The following CTTNBP2 variants were observed in gnomAD, a reference collection of about 807,000 sequenced individuals.
CTTNBP2 encodes the protein cortactin binding protein 2.
In CTTNBP2, 108 loss-of-function variants were observed where a neutral mutation model predicts 156.9. The ratio of observed to expected loss-of-function variants is 0.69; its 90% CI spans 0.59 to 0.81. The LOEUF (loss-of-function observed/expected upper bound fraction) is 0.81, where lower values mean the gene tolerates loss of function less well. Ranked by LOEUF, CTTNBP2 falls within the 30% of genes least tolerant of loss-of-function variation. The probability of loss-of-function intolerance (pLI) is 0.00; values close to 1 mark genes in which losing one functional copy is unlikely to be tolerated. For synonymous variants in CTTNBP2, 767 were observed against 751.8 expected, an observed-to-expected ratio of 1.02 and a Z score of -0.33; for missense variants, 1,924 against 2,035.4, an observed-to-expected ratio of 0.95 and a Z score of 1.05.
chr7:117,783,004 G>T, intron 5 of CTTNBP2, 43 bp from the exon 6 acceptor site: 1 of 1,433,256 alleles, frequency 7.0e-7, no homozygotes, highest in Non-Finnish European at 9.8e-7. Context: ...CCCATTTGGA[G>T]TTATGATGTG....
At position 117,848,846 on chromosome 7, in the gene CTTNBP2, C is replaced by T. The variant is rs545489824; in HGVS notation, c.189+12363G>A. Among the ~76,000 whole-genome samples, 5 of 152,218 alleles carry T rather than the reference C, an allele frequency of 3.3e-5. No individual in the cohort carries two copies. The South Asian group carries it at 1.0e-3, about 32-fold the overall frequency. On this transcript the variant is annotated intron_variant, in intron 2 of 22. Coordinates refer to ENST00000160373, the MANE Select transcript of CTTNBP2 (RefSeq NM_033427.3). ...TTTTGCTGTTTTTATTCCTGTAAAC[C>T]ACTTCAATTCCTATGTGAAACCATT...
chr7:117,860,932 CAT>C (rs1266511321), intron 2 of CTTNBP2, among the ~76,000 whole-genome samples: 2 of 152,076 alleles, frequency 1.3e-5, no homozygotes, highest in Non-Finnish European at 2.9e-5. Flanking sequence ...ACATGTGAAA[CAT>C]AAAAGGATTT....
intron 2 of CTTNBP2, among the ~76,000 whole-genome samples, chr7:117,825,178 A>G (rs1456141773): frequency 6.6e-6 from 1 of 152,172 alleles, no homozygotes; most frequent in African/African-American, 2.4e-5. Flanking sequence ...CAGGCCCTTC[A>G]AGACAAATGG....
intron 12 of CTTNBP2, among the ~76,000 whole-genome samples, chr7:117,749,407 C>T (rs572850774): frequency 6.6e-6 from 1 of 152,236 alleles, no homozygotes; most frequent in Non-Finnish European, 1.5e-5. Context: ...GGAATGAACT[C>T]CTACTGTCCA....
intron 8 of CTTNBP2, among the ~76,000 whole-genome samples, chr7:117,775,840 C>A (rs1242265813): frequency 1.3e-5 from 2 of 152,120 alleles, no homozygotes; most frequent in African/African-American, 4.8e-5. Flanking sequence ...TCAAATCATA[C>A]AAACAAATCA....
rs145209867 is a variant in CTTNBP2 at position 117,724,606 on chromosome 7, C to T, written c.4388G>A (p.Arg1463His). 215 of 1,613,954 alleles carry T rather than the reference C, an allele frequency of 1.3e-4. 1 individual carries two copies. The highest frequency in any genetic ancestry group is 2.2e-4 in the South Asian group (20 of 91,066). ...TAAAGAGAAGCGGCCAGACTTCCTG[C>T]GAGGACTGGTGTTCACCTTTCTCCA... is the stretch of plus-strand genomic sequence containing the variant. ...GAWRKVNTSP[R>H]RKSGRFSLPT... The change falls in exon 19 of 23, where the codon CGC becomes CAC. Residue 1463 changes from arginine (R) to histidine (H), a missense_variant. By Grantham distance (29) the Arg-to-His change is conservative. Transcript: ENST00000160373.
At chr7:117,796,643 C>T (rs1056735483) in intron 3 of CTTNBP2, among the ~76,000 whole-genome samples, 2 of 152,006 alleles carry the variant, frequency 1.3e-5, no homozygotes, top group African/African-American at 4.8e-5. Flanking sequence ...GCATAGTGCC[C>T]GGCACTAAAA....
At chr7:117,867,665 T>G (rs1289389621) in intron 1 of CTTNBP2, among the ~76,000 whole-genome samples, 1 of 152,158 alleles carries the variant, frequency 6.6e-6, no homozygotes, top group African/African-American at 2.4e-5. Flanking sequence ...CAGCCCACTC[T>G]AGGGGGAACT....
intron 20 of CTTNBP2, among the ~76,000 whole-genome samples, chr7:117,720,672 A>T (rs1432349146): frequency 6.6e-6 from 1 of 152,166 alleles, no homozygotes; most frequent in African/African-American, 2.4e-5. Flanking sequence ...CAGCCTGGGC[A>T]AGAGAGCAAG....
intron 2 of CTTNBP2, among the ~76,000 whole-genome samples, chr7:117,838,878 A>G (rs2117120165): frequency 6.9e-6 from 1 of 144,686 alleles, no homozygotes; most frequent in East Asian, 2.1e-4. Context: ...GCTGGAAACC[A>G]CAGTACCATT....
intron 22 of CTTNBP2, chr7:117,714,016 G>A (rs888129648): frequency 6.6e-6 from 1 of 152,152 alleles, no homozygotes; most frequent in African/African-American, 2.4e-5. Flanking sequence ...AAAACAGATG[G>A]GCTCGGTTTT....
Position 117,737,496 on chromosome 7 carries a change from A to G in CTTNBP2, c.3536-2075T>C, listed in dbSNP as rs935834312. ...TTGCATTTCAACAAATGTTTATCCAATGCCTCTTTGCTACAGGTACTGGAT... is the reference window on the plus strand; with the variant it reads ...TTGCATTTCAACAAATGTTTATCCAGTGCCTCTTTGCTACAGGTACTGGAT... On this transcript the variant is annotated intron_variant, in intron 14 of 22. Transcript: ENST00000160373. Among the ~76,000 whole-genome samples, 4 of 152,220 alleles carry G rather than the reference A, an allele frequency of 2.6e-5. No individual in the cohort carries two copies. In the East Asian group the frequency reaches 7.7e-4, roughly 29 times the overall value.
Position 117,724,734 on chromosome 7 carries a change from T to C in CTTNBP2, c.4262-2A>G, listed in dbSNP as rs1794993629. On this transcript the variant is annotated splice_acceptor_variant, in intron 18 of 22. Transcript: ENST00000160373. LOFTEE classifies it high-confidence loss of function. ...AATCAGCTGTATGCTGGTCTAGCTC[T>C]GAAACAACACAAATCACAGCAGGGA... 1.9e-6 allele frequency: 3 copies of C among 1,613,220 alleles called. No homozygotes were observed. Among genetic ancestry groups the C allele is most frequent in the Non-Finnish European group, 8.5e-7 (1 of 1,179,866 alleles).
chr7:117,791,492 G>A lies in CTTNBP2; in HGVS notation c.1704C>T (p.Asp568=), dbSNP rs199829245. 11 of 1,614,110 alleles carry A rather than the reference G, an allele frequency of 6.8e-6. No homozygotes were observed. Among genetic ancestry groups the A allele is most frequent in the Non-Finnish European group, 9.3e-6 (11 of 1,180,054 alleles). Residue 568 remains aspartate, a synonymous_variant, in exon 4 of 23, where the codon GAC becomes GAT. Transcript: ENST00000160373. The part of the protein sequence containing the change: ...PPHPQLKVII[D]SSRASNTGAK... ...CCCCTGTGTTCGAGGCCCTGCTGCT[G>A]TCTATAATAACCTTGAGTTGGGGGT... is the stretch of plus-strand genomic sequence containing the variant.
At chr7:117,723,363 T>C (rs1202237403) in intron 19 of CTTNBP2, among the ~76,000 whole-genome samples, 1 of 152,290 alleles carries the variant, frequency 6.6e-6, no homozygotes, top group African/African-American at 2.4e-5. Context: ...TACTCATAAC[T>C]AAAAGCAACT....
chr7:117,791,494 C>T lies in CTTNBP2; in HGVS notation c.1702G>A (p.Asp568Asn). 1 of 1,614,186 alleles carries T rather than the reference C, an allele frequency of 6.2e-7. No individual in the cohort carries two copies. The highest frequency in any genetic ancestry group is 8.5e-7 in the Non-Finnish European group (1 of 1,180,026). The change falls in exon 4 of 23, where the codon GAC (aspartate) becomes AAC (asparagine). Residue 568 changes from aspartate to asparagine, a missense_variant. Physicochemically the swap from Asp to Asn is conservative, Grantham distance 23 (BLOSUM62 1). Coordinates refer to ENST00000160373, the MANE Select transcript of CTTNBP2 (RefSeq NM_033427.3). ...PPHPQLKVII[D>N]SSRASNTGAK... The stretch of plus-strand genomic sequence containing the variant: ...CCTGTGTTCGAGGCCCTGCTGCTGT[C>T]TATAATAACCTTGAGTTGGGGGTGT...
In CTTNBP2 at chr7:117,791,965, G is replaced by C. The variant is rs1469072783; in HGVS notation, c.1231C>G (p.Gln411Glu). ...TTCTGAGGAGCTATGCCTGGTGTTT[G>C]AGCGGTGGGAGGGGCAGCGTTACTG... is the stretch of plus-strand genomic sequence containing the variant. Reference protein sequence around the residue: ...LPSNAAPPTAQTPGIAPQNSQ... With the variant: ...LPSNAAPPTAETPGIAPQNSQ... The change falls in exon 4 of 23, where the codon CAA (glutamine) becomes GAA (glutamate). Residue 411 changes from glutamine (Q) to glutamate (E), a missense_variant. Gln to Glu is a conservative substitution (Grantham distance 29, BLOSUM62 2). Coordinates refer to ENST00000160373, the MANE Select transcript of CTTNBP2 (RefSeq NM_033427.3). 1.2e-6 allele frequency: 2 copies of C among 1,613,968 alleles called. No homozygotes were observed. Among genetic ancestry groups the C allele is most frequent in the African/African-American group, 2.7e-5 (2 of 74,882 alleles).
chr7:117,769,887 A>G (rs901672579), intron 8 of CTTNBP2, among the ~76,000 whole-genome samples: 4 of 152,148 alleles, frequency 2.6e-5, no homozygotes, highest in African/African-American at 9.7e-5. Context: ...GCCATCCAAA[A>G]TGACTCTATC....
intron 1 of CTTNBP2, among the ~76,000 whole-genome samples, chr7:117,867,206 G>C (rs1804257540): frequency 6.6e-6 from 1 of 152,058 alleles, no homozygotes; most frequent in Non-Finnish European, 1.5e-5. Flanking sequence ...TCTCTACAAG[G>C]AGGAAAGAAT....
Sources: allele counts gnomAD v4.1 joint callset (sites outside exome capture counted in the v4.1 genomes callset), GRCh38; gene constraint gnomAD v4.1.1; transcripts MANE v1.5; gene names NCBI Gene and HGNC (gene_info 2026-07-23, HGNC 2026-07-21).